The following POF1B variants were observed in gnomAD, a reference collection of about 807,000 sequenced individuals.
POF1B encodes the protein POF1B actin binding protein.
A neutral mutation model predicts 55.3 loss-of-function variants in POF1B; 53 were observed. That is an observed-to-expected ratio of 0.96 (90% CI 0.77 to 1.20). The LOEUF (loss-of-function observed/expected upper bound fraction) is 1.20, where lower values mean the gene tolerates loss of function less well. Ranked by LOEUF, POF1B falls within the 50% of genes most tolerant of loss-of-function variation. The pLI, the probability that POF1B is intolerant of heterozygous loss-of-function variation, is 0.00. For missense variants in POF1B, 478 were observed against 420.5 expected (o/e 1.14, Z -1.20); for synonymous variants, 188 against 148.3 (o/e 1.27, Z -1.95).
intron 11 of POF1B, among the ~76,000 whole-genome samples, chrX:85,306,881 G>T (rs1932585969): frequency 9.0e-6 from 1 of 111,550 alleles, no homozygotes; most frequent in African/African-American, 3.2e-5. Flanking sequence ...TTAAATAAAT[G>T]CATGAACCTA....
chrX:85,332,599 C>G (rs112451710), intron 6 of POF1B, among the ~76,000 whole-genome samples: 2,995 of 111,228 alleles, frequency 0.027, 101 homozygotes, highest in African/African-American at 0.093. Flanking sequence ...CTGATACTTC[C>G]TTTTCAACCT....
chrX:85,280,241 T>C (rs995889946), intron 16 of POF1B, among the ~76,000 whole-genome samples: 4 of 111,444 alleles, frequency 3.6e-5, no homozygotes, highest in Admixed American at 1.9e-4. Context: ...TTTCTAGAAG[T>C]TATTTAACAG....
intron 16 of POF1B, among the ~76,000 whole-genome samples, chrX:85,280,751 G>C (rs1365125393): frequency 9.0e-6 from 1 of 111,094 alleles, no homozygotes; most frequent in Non-Finnish European, 1.9e-5. Flanking sequence ...CATTTCACCA[G>C]AAGGATATCA....
intron 16 of POF1B, among the ~76,000 whole-genome samples, chrX:85,281,701 A>T (rs1173219104): frequency 1.9e-5 from 2 of 107,109 alleles, no homozygotes; most frequent in East Asian, 2.9e-4. Flanking sequence ...AGCTAGAAAC[A>T]TCTCTTCTTT....
In POF1B at chrX:85,379,268, C is replaced by T. The variant is rs2147957603; in HGVS notation, c.187G>A (p.Val63Met). Residue 63 changes from valine (V) to methionine (M), a missense_variant, in exon 2 of 17, where the codon GTG becomes ATG. Transcript: ENST00000262753. ...RTYSGPMNKV[V>M]QALDPFNSRE... is the part of the protein sequence containing the mutation. ...GAGTTGAAGGGGTCCAAGGCCTGCA[C>T]CACCTTGTTCATGGGCCCACTGTAG... 1 of 1,210,659 alleles carries T rather than the reference C, an allele frequency of 8.3e-7. No individual in the cohort carries two copies. The highest frequency in any genetic ancestry group is 1.1e-6 in the Non-Finnish European group (1 of 895,195).
chrX:85,291,552 C>A (rs1013994918), intron 15 of POF1B, among the ~76,000 whole-genome samples: 3 of 111,915 alleles, frequency 2.7e-5, no homozygotes, highest in Non-Finnish European at 5.6e-5. Context: ...AATATTGATT[C>A]TTCCTATCCA....
intron 15 of POF1B, among the ~76,000 whole-genome samples, chrX:85,294,544 C>A (rs970608982): frequency 6.3e-5 from 7 of 111,969 alleles, no homozygotes; most frequent in Non-Finnish European, 9.4e-5. Context: ...GTTGAACCAA[C>A]CTTGAATCCC....
chrX:85,307,226 G>T lies in POF1B; in HGVS notation c.1101C>A (p.Asp367Glu). ...GTTCTTCGTACTCTTTTAATTGAGTGTCTTTGAATGATAAATCTTTCTCAA... is the reference window on the plus strand; with the variant it reads ...GTTCTTCGTACTCTTTTAATTGAGTTTCTTTGAATGATAAATCTTTCTCAA... Reference protein sequence around the residue: ...MRLEKDLSFKDTQLKEYEELL... With the variant: ...MRLEKDLSFKETQLKEYEELL... The change falls in exon 11 of 17, where the codon GAC becomes GAA. Residue 367 changes from aspartate to glutamate, a missense_variant. Coordinates refer to ENST00000262753, the MANE Select transcript of POF1B (RefSeq NM_024921.4). 1 of 1,204,022 alleles carries T rather than the reference G, an allele frequency of 8.3e-7. No homozygotes were observed. Among genetic ancestry groups the T allele is most frequent in the Non-Finnish European group, 1.1e-6 (1 of 891,218 alleles).
intron 2 of POF1B, among the ~76,000 whole-genome samples, chrX:85,378,021 T>C (rs1933949619): frequency 8.9e-6 from 1 of 112,006 alleles, no homozygotes; most frequent in Admixed American, 9.5e-5. Context: ...TGGCATTCAT[T>C]TTGTTCTGCA....
chrX:85,290,743 T>G (rs1050920573), intron 15 of POF1B, among the ~76,000 whole-genome samples: 6 of 112,155 alleles, frequency 5.3e-5, no homozygotes, highest in Non-Finnish European at 1.1e-4. Flanking sequence ...TGGTTGCTTG[T>G]ATGTCTTCAT....
At chrX:85,317,144 A>G (rs1932794645) in intron 7 of POF1B, among the ~76,000 whole-genome samples, 1 of 110,293 alleles carries the variant, frequency 9.1e-6, no homozygotes. Context: ...ATTTAGGTTC[A>G]TTCCATGTCG....
At chrX:85,303,158 T>TA (rs1261081578) in intron 15 of POF1B, among the ~76,000 whole-genome samples, 2 of 111,543 alleles carry the variant, frequency 1.8e-5, no homozygotes, top group Non-Finnish European at 3.8e-5. Flanking sequence ...TGTGGTTGGT[T>TA]AAAAAAACAA....
rs1933751776 is a variant in POF1B at position 85,367,737 on chromosome X, A to T, written c.312T>A (p.Ser104=). 8.6e-7 allele frequency: 1 copy of T among 1,163,244 alleles called. No individual in the cohort carries two copies. The highest frequency in any genetic ancestry group is 1.2e-6 in the Non-Finnish European group (1 of 868,060). Residue 104 remains serine, a synonymous_variant, in exon 3 of 17, where the codon TCT becomes TCA. Coordinates refer to ENST00000262753, the MANE Select transcript of POF1B (RefSeq NM_024921.4). ...TATGTAGAGTACTTGGGGCACATGT[A>T]GATATTTTTAAAGTTGGAGAATGGA... The part of the protein sequence containing the change: ...QELHSPTLKI[S]TCAPSTLHIT...
In POF1B at chrX:85,359,610, C is replaced by G. The variant is rs747480983; in HGVS notation, c.378G>C (p.Val126=). Residue 126 remains valine, a synonymous_variant, in exon 4 of 17, where the codon GTG becomes GTC. Coordinates refer to ENST00000262753, the MANE Select transcript of POF1B (RefSeq NM_024921.4). The stretch of plus-strand genomic sequence containing the variant: ...TGGTCTGTGGATATGTAGTAAGTTT[C>G]ACTGTTGGAGAATGAAGTTCCTGTG... ...NTEQELHSPT[V]KLTTYPQTTI... is the part of the protein sequence containing the mutation. 8.4e-7 allele frequency: 1 copy of G among 1,196,695 alleles called. No individual in the cohort carries two copies. The highest frequency in any genetic ancestry group is 1.8e-5 in the African/African-American group (1 of 56,576).
At chrX:85,338,604 A>G (rs921099980) in intron 6 of POF1B, among the ~76,000 whole-genome samples, 3 of 111,836 alleles carry the variant, frequency 2.7e-5, no homozygotes, top group African/African-American at 9.7e-5. Context: ...AGAATTTGCA[A>G]ACCTTTTTCT....
intron 15 of POF1B, among the ~76,000 whole-genome samples, chrX:85,287,698 T>C (rs1436576845): frequency 9.0e-6 from 1 of 111,234 alleles, no homozygotes; most frequent in Non-Finnish European, 1.9e-5. Context: ...CATAAACTCT[T>C]CCAAAATATA....
At chrX:85,372,929 A>T in intron 2 of POF1B, among the ~76,000 whole-genome samples, 1 of 108,533 alleles carries the variant, frequency 9.2e-6, no homozygotes, top group African/African-American at 3.3e-5. Flanking sequence ...TCAGTGCAGT[A>T]AAGAAAGAAG....
Position 85,323,446 on chromosome X carries a change from G to T in POF1B, c.854+7503C>A, listed in dbSNP as rs1441773950. On this transcript the variant is annotated intron_variant, in intron 7 of 16. Coordinates refer to ENST00000262753, the MANE Select transcript of POF1B (RefSeq NM_024921.4). The stretch of plus-strand genomic sequence containing the variant: ...AACATCACACTCTGGGGACTGTTGT[G>T]GGGTGGGGGGAAGGGGGAGGGATAG... Among the ~76,000 whole-genome samples, 4 of 105,155 alleles carry T rather than the reference G, an allele frequency of 3.8e-5. No individual in the cohort carries two copies. The East Asian group carries it at 1.2e-3, about 32-fold the overall frequency. The allele number at this position is 105,155 out of a possible 115,157, so 91.3% of individuals were successfully genotyped here.
chrX:85,281,381 T>C (rs1931894672), intron 16 of POF1B, among the ~76,000 whole-genome samples: 1 of 110,491 alleles, frequency 9.1e-6, no homozygotes, highest in African/African-American at 3.3e-5. Flanking sequence ...GGAACCAATC[T>C]CTCATGGATA....
Sources: allele counts gnomAD v4.1 joint callset (sites outside exome capture counted in the v4.1 genomes callset), GRCh38; gene constraint gnomAD v4.1.1; transcripts MANE v1.5; gene names NCBI Gene and HGNC (gene_info 2026-07-23, HGNC 2026-07-21).